PCDH9: variants seen among roughly 807,000 people sequenced by gnomAD.
The protein encoded by PCDH9 is protocadherin-9.
A neutral mutation model predicts 70.6 loss-of-function variants in PCDH9; 24 were observed. That is an observed-to-expected ratio of 0.34 (90% CI 0.25 to 0.48). The LOEUF (loss-of-function observed/expected upper bound fraction) is 0.48. PCDH9 is among the 20% of genes least tolerant of loss of function. The probability of loss-of-function intolerance (pLI) is 0.99; values close to 1 mark genes in which losing one functional copy is unlikely to be tolerated. For synonymous variants in PCDH9, 562 were observed against 558.5 expected (o/e 1.01, Z -0.09); for missense variants, 1,281 against 1,503.6 (o/e 0.85, Z 2.45).
At chr13:66,548,619 A>C (rs1961328297) in intron 4 of PCDH9, among the ~76,000 whole-genome samples, 2 of 152,066 alleles carry the variant, frequency 1.3e-5, no homozygotes, top group South Asian at 2.1e-4. Flanking sequence ...AGTTTCTGTA[A>C]GTTATGAAAC....
intron 2 of PCDH9, among the ~76,000 whole-genome samples, chr13:67,103,913 C>A (rs957104642): frequency 6.6e-6 from 1 of 151,958 alleles, no homozygotes; most frequent in African/African-American, 2.4e-5. Flanking sequence ...TGCAAAGAGG[C>A]CAATTGTGAG....
intron 2 of PCDH9, among the ~76,000 whole-genome samples, chr13:67,163,906 A>G (rs1236621041): frequency 2.6e-5 from 4 of 152,204 alleles, no homozygotes; most frequent in African/African-American, 9.6e-5. Flanking sequence ...ATGACATCCT[A>G]TAGGAATTTT....
chr13:67,212,388 A>C (rs963595564), intron 2 of PCDH9: 1 of 152,126 alleles, frequency 6.6e-6, no homozygotes, highest in African/African-American at 2.4e-5. Flanking sequence ...AAGGGAAAAA[A>C]GTACTGTGCT....
chr13:66,806,036 G>T (rs7319172), intron 3 of PCDH9, among the ~76,000 whole-genome samples: 1 of 151,342 alleles, frequency 6.6e-6, no homozygotes, highest in Non-Finnish European at 1.5e-5. Flanking sequence ...AAATATATAT[G>T]TTTTTAATAG....
At chr13:66,871,311 C>T (rs1483397074) in intron 3 of PCDH9, among the ~76,000 whole-genome samples, 1 of 151,486 alleles carries the variant, frequency 6.6e-6, no homozygotes, top group Non-Finnish European at 1.5e-5. Context: ...ATGGGTGCAG[C>T]ACACCAGCAT....
intron 4 of PCDH9, among the ~76,000 whole-genome samples, chr13:66,401,504 A>T (rs1022836401): frequency 3.9e-5 from 6 of 151,996 alleles, no homozygotes; most frequent in Non-Finnish European, 7.4e-5. Flanking sequence ...TCCTTTATAA[A>T]TTACCCAATC....
At chr13:66,582,433 C>T (rs952447206) in intron 4 of PCDH9, among the ~76,000 whole-genome samples, 20 of 151,956 alleles carry the variant, frequency 1.3e-4, no homozygotes, top group Admixed American at 6.6e-5. Flanking sequence ...AGGAGTTCAA[C>T]ACCAGCCTGG....
intron 4 of PCDH9, among the ~76,000 whole-genome samples, chr13:66,338,587 G>A (rs1015677076): frequency 6.6e-6 from 1 of 151,616 alleles, no homozygotes; most frequent in African/African-American, 2.4e-5. Context: ...ACACTCAATG[G>A]CAGATGAACC....
intron 3 of PCDH9, among the ~76,000 whole-genome samples, chr13:66,758,495 A>C (rs1405368118): frequency 2.0e-5 from 3 of 152,020 alleles, no homozygotes; most frequent in Non-Finnish European, 4.4e-5. Context: ...ATACATGTAT[A>C]CACTGTGTAA....
At position 66,679,776 on chromosome 13, in the gene PCDH9, G is replaced by C. The variant is rs558061971; in HGVS notation, c.3139-48365C>G. On this transcript the variant is annotated intron_variant, in intron 3 of 4. Transcript: ENST00000377865. ...TAGCCTTTCTTTCCAATGTTGAAAA[G>C]AACAATTTCTATAATTTTTATATGC... is the stretch of plus-strand genomic sequence containing the variant. 2.6e-5 allele frequency among the ~76,000 whole-genome samples: 4 copies of C among 151,866 alleles called. No homozygotes were observed. In the South Asian group the frequency reaches 8.3e-4, roughly 32 times the overall value.
chr13:67,172,068 A>C (rs2088301684), intron 2 of PCDH9, among the ~76,000 whole-genome samples: 1 of 152,220 alleles, frequency 6.6e-6, no homozygotes, highest in African/African-American at 2.4e-5. Context: ...TATGCAGCCT[A>C]AATCCATGAA....
intron 4 of PCDH9, among the ~76,000 whole-genome samples, chr13:66,505,774 G>C (rs540318413): frequency 6.6e-6 from 1 of 152,198 alleles, no homozygotes; most frequent in Admixed American, 6.5e-5. Flanking sequence ...ACAATACGTG[G>C]GAATTATGGG....
intron 3 of PCDH9, among the ~76,000 whole-genome samples, chr13:66,778,522 A>T (rs1182672591): frequency 6.6e-6 from 1 of 152,210 alleles, no homozygotes; most frequent in East Asian, 1.9e-4. Context: ...GGCCTGTCAC[A>T]GTGTAGCTCA....
intron 4 of PCDH9, among the ~76,000 whole-genome samples, chr13:66,612,398 A>G (rs1372338764): frequency 6.6e-6 from 1 of 152,252 alleles, no homozygotes; most frequent in Non-Finnish European, 1.5e-5. Context: ...AGAGCAATGC[A>G]TTTACAGTGT....
intron 3 of PCDH9, among the ~76,000 whole-genome samples, chr13:66,886,720 T>C (rs183744517): frequency 6.6e-6 from 1 of 152,258 alleles, no homozygotes; most frequent in African/African-American, 2.4e-5. Context: ...AACAGCTAAG[T>C]AGCAGTGTGA....
intron 2 of PCDH9, among the ~76,000 whole-genome samples, chr13:67,090,147 C>A (rs2086189048): frequency 2.0e-5 from 3 of 151,934 alleles, no homozygotes; most frequent in African/African-American, 7.2e-5. Context: ...AATGAATGGA[C>A]TAAATGATTA....
chr13:66,880,247 T>C (rs1238235593), intron 3 of PCDH9: 1 of 152,188 alleles, frequency 6.6e-6, no homozygotes, highest in East Asian at 1.9e-4. Context: ...TAGGAAGCTA[T>C]GGTGAGGGCA....
chr13:66,494,265 CAGTA>C (rs1230373035), intron 4 of PCDH9, among the ~76,000 whole-genome samples: 5 of 152,008 alleles, frequency 3.3e-5, no homozygotes, highest in African/African-American at 7.2e-5. Context: ...CTTCAGAAAA[CAGTA>C]AGCTCTCAGA....
intron 4 of PCDH9, among the ~76,000 whole-genome samples, chr13:66,531,109 A>ATT (rs35177071): frequency 0.25 from 37,498 of 150,602 alleles, 5,139 homozygotes; most frequent in South Asian, 0.35. Flanking sequence ...AAAAAAATCC[A>ATT]TTTTTTTTTG....
Sources: allele counts gnomAD v4.1 joint callset (sites outside exome capture counted in the v4.1 genomes callset), GRCh38; gene constraint gnomAD v4.1.1; transcripts MANE v1.5; gene names NCBI Gene and HGNC (gene_info 2026-07-23, HGNC 2026-07-21).